RBFOX1: variants seen among roughly 807,000 people sequenced by gnomAD.
RBFOX1 encodes the protein RNA binding fox-1 homolog 1, also known as RNA binding protein fox-1 homolog 1.
A neutral mutation model predicts 57.7 loss-of-function variants in RBFOX1; 8 were observed. The ratio of observed to expected loss-of-function variants is 0.14; its 90% CI spans 0.08 to 0.25. RBFOX1 has a LOEUF of 0.25. Among genes scored for constraint, RBFOX1 ranks in the 10% least tolerant of loss-of-function variants. The pLI is 1.00. For missense variants in RBFOX1, 611 were observed against 548.5 expected (o/e 1.11, Z -1.14); for synonymous variants, 326 against 222.4 (o/e 1.47, Z -4.15).
chr16:7,407,913 G>C (rs541749398), intron 4 of RBFOX1, among the ~76,000 whole-genome samples: 11 of 152,288 alleles, frequency 7.2e-5, no homozygotes, highest in Admixed American at 1.3e-4. Flanking sequence ...ATGCCCATTT[G>C]TTTACCAATC....
At chr16:5,877,492 T>C (rs1395841708) in intron 4 of RBFOX1, among the ~76,000 whole-genome samples, 1 of 152,258 alleles carries the variant, frequency 6.6e-6, no homozygotes, top group African/African-American at 2.4e-5. Context: ...TGGGTCTTCC[T>C]TTCCCATTTA....
At chr16:6,542,145 C>G (rs2096829524) in intron 2 of RBFOX1, among the ~76,000 whole-genome samples, 1 of 152,092 alleles carries the variant, frequency 6.6e-6, no homozygotes, top group Non-Finnish European at 1.5e-5. Context: ...AGCCTCGTCT[C>G]AAACTCCTGG....
At chr16:7,500,525 C>G (rs1249291560) in intron 4 of RBFOX1, among the ~76,000 whole-genome samples, 1 of 152,134 alleles carries the variant, frequency 6.6e-6, no homozygotes, top group Admixed American at 6.5e-5. Flanking sequence ...TGCATCTAAG[C>G]CTATTGTTGT....
intron 2 of RBFOX1, among the ~76,000 whole-genome samples, chr16:6,635,206 T>G (rs1367270242): frequency 1.3e-5 from 2 of 149,484 alleles, no homozygotes; most frequent in East Asian, 3.9e-4. Context: ...TATGTACATA[T>G]TTTTAATTTA....
chr16:7,063,248 C>T (rs1440215086), intron 4 of RBFOX1, among the ~76,000 whole-genome samples: 4 of 152,082 alleles, frequency 2.6e-5, no homozygotes, highest in African/African-American at 9.7e-5. Context: ...GAGGTCTGTG[C>T]TTCAGGGTCT....
At chr16:7,018,997 G>C (rs1341165764) in intron 3 of RBFOX1, among the ~76,000 whole-genome samples, 1 of 151,846 alleles carries the variant, frequency 6.6e-6, no homozygotes, top group Non-Finnish European at 1.5e-5. Context: ...AAGCAAAGAA[G>C]AAGCAAAAAG....
rs182447043 is a variant in RBFOX1, at chr16:5,504,086, G to T, written c.258+36832G>T. On this transcript the variant is annotated intron_variant, in intron 2 of 2. Coordinates refer to the RBFOX1 transcript ENST00000585867. ...ATCTGGAGCAGCATCTCCAGAGGGCGATGGCTGGGGGCGGAGGGAACTTGC... is the reference window on the plus strand; with the variant it reads ...ATCTGGAGCAGCATCTCCAGAGGGCTATGGCTGGGGGCGGAGGGAACTTGC... 1.7e-3 allele frequency among the ~76,000 whole-genome samples: 263 copies of T among 152,332 alleles called. 1 individual carries two copies. The highest frequency in any genetic ancestry group is 4.3e-3 in the Admixed American group (66 of 15,306).
intron 4 of RBFOX1, among the ~76,000 whole-genome samples, chr16:7,238,133 T>C (rs975057747): frequency 4.6e-5 from 7 of 152,184 alleles, no homozygotes; most frequent in Non-Finnish European, 7.3e-5. Flanking sequence ...TGCCCATAGT[T>C]GTCAAATTCA....
chr16:6,253,075 C>G (rs1015790741), intron 1 of RBFOX1, among the ~76,000 whole-genome samples: 1 of 152,158 alleles, frequency 6.6e-6, no homozygotes, highest in African/African-American at 2.4e-5. Context: ...CCTGCCATCT[C>G]TCCTTCTTGA....
chr16:7,290,743 A>G (rs987420573), intron 4 of RBFOX1, among the ~76,000 whole-genome samples: 1 of 152,238 alleles, frequency 6.6e-6, no homozygotes, highest in African/African-American at 2.4e-5. Context: ...CCGTGTGTAC[A>G]GGATGGGGGC....
chr16:6,542,659 A>T (rs2096839386), intron 2 of RBFOX1, among the ~76,000 whole-genome samples: 1 of 151,022 alleles, frequency 6.6e-6, no homozygotes, highest in Admixed American at 6.6e-5. Flanking sequence ...CTGGCGGCTA[A>T]TTTTTTGTAT....
chr16:6,676,070 G>C (rs1284190485), intron 3 of RBFOX1, among the ~76,000 whole-genome samples: 1 of 151,794 alleles, frequency 6.6e-6, no homozygotes, highest in Non-Finnish European at 1.5e-5. Flanking sequence ...AGTCAACATA[G>C]GGGTTTGGGG....
At chr16:6,219,276 C>T (rs991021029) in intron 1 of RBFOX1, among the ~76,000 whole-genome samples, 2 of 151,986 alleles carry the variant, frequency 1.3e-5, no homozygotes, top group Non-Finnish European at 2.9e-5. Context: ...CAAGACCAGC[C>T]TGGGCAACAC....
chr16:5,255,468 G>C (rs2062569645), intron 1 of RBFOX1, among the ~76,000 whole-genome samples: 1 of 149,566 alleles, frequency 6.7e-6, no homozygotes, highest in Admixed American at 6.7e-5. Flanking sequence ...TGTGCACCCA[G>C]CTATCATCCA....
chr16:6,171,455 A>G (rs2096960005), intron 1 of RBFOX1, among the ~76,000 whole-genome samples: 1 of 152,202 alleles, frequency 6.6e-6, no homozygotes, highest in Non-Finnish European at 1.5e-5. Context: ...CTAGAGCTCA[A>G]CAGTGCCACA....
At chr16:6,163,632 A>G (rs569283724) in intron 1 of RBFOX1, among the ~76,000 whole-genome samples, 3 of 152,320 alleles carry the variant, frequency 2.0e-5, no homozygotes, top group Admixed American at 6.5e-5. Context: ...TAGCCTCAAG[A>G]TAGCAGAGAC....
chr16:6,338,247 T>C (rs1294217866), intron 2 of RBFOX1, among the ~76,000 whole-genome samples: 1 of 152,192 alleles, frequency 6.6e-6, no homozygotes, highest in African/African-American at 2.4e-5. Context: ...CACCTACACC[T>C]GTATTCCTTT....
At chr16:7,656,172 C>T (rs1444167476) in intron 12 of RBFOX1, among the ~76,000 whole-genome samples, 1 of 152,144 alleles carries the variant, frequency 6.6e-6, no homozygotes, top group Non-Finnish European at 1.5e-5. Context: ...GGAGCCCCAG[C>T]AGGACTAAGA....
intron 4 of RBFOX1, among the ~76,000 whole-genome samples, chr16:7,176,286 C>T (rs1370100010): frequency 2.7e-5 from 4 of 150,440 alleles, no homozygotes; most frequent in Admixed American, 2.6e-4. Context: ...TGCTTAGCAC[C>T]ATTTTGCATT....
Sources: allele counts gnomAD v4.1 joint callset (sites outside exome capture counted in the v4.1 genomes callset), GRCh38; gene constraint gnomAD v4.1.1; transcripts MANE v1.5; gene names NCBI Gene and HGNC (gene_info 2026-07-23, HGNC 2026-07-21).